Variants in SMYD3 observed in about 807,000 individuals in gnomAD.
The protein encoded by SMYD3 is histone-lysine N-methyltransferase SMYD3.
SMYD3 carries 36 observed loss-of-function variants against 57.7 expected under a neutral mutation model. The observed-to-expected ratio is 0.62, with a 90% confidence interval of 0.48 to 0.82. SMYD3 has a LOEUF of 0.82. SMYD3 is among the 40% of genes least tolerant of loss of function. The pLI is 0.00. For missense variants in SMYD3, 515 were observed against 538.8 expected, an observed-to-expected ratio of 0.96 and a Z score of 0.44; for synonymous variants, 211 against 195.0, an observed-to-expected ratio of 1.08 and a Z score of -0.68.
chr1:246,136,454 T>C (rs549414072), intron 5 of SMYD3, among the ~76,000 whole-genome samples: 1 of 152,292 alleles, frequency 6.6e-6, no homozygotes, highest in African/African-American at 2.4e-5. Context: ...TTTTGTTATG[T>C]ACTGGGCACT....
At chr1:246,050,472 C>A (rs765383716) in intron 5 of SMYD3, among the ~76,000 whole-genome samples, 2 of 152,162 alleles carry the variant, frequency 1.3e-5, no homozygotes, top group Non-Finnish European at 2.9e-5. Context: ...CCTAGAGGAA[C>A]AATCTCTATC....
At chr1:245,872,555 A>G (rs1407757325) in intron 8 of SMYD3, among the ~76,000 whole-genome samples, 1 of 152,262 alleles carries the variant, frequency 6.6e-6, no homozygotes, top group Non-Finnish European at 1.5e-5. Flanking sequence ...ACTGAGGAGC[A>G]CTTGGGCAAC....
intron 5 of SMYD3, chr1:245,930,515 A>G (rs534069510): frequency 7.9e-6 from 2 of 254,564 alleles, no homozygotes; most frequent in East Asian, 1.0e-4. Context: ...GGTACATGAC[A>G]CAGTCCTGTC....
chr1:245,945,024 T>C (rs1315263615), intron 5 of SMYD3, among the ~76,000 whole-genome samples: 2 of 151,678 alleles, frequency 1.3e-5, no homozygotes, highest in Admixed American at 6.6e-5. Flanking sequence ...AACATAAAAC[T>C]ATAAAAAACT....
intron 5 of SMYD3, among the ~76,000 whole-genome samples, chr1:246,017,241 C>G (rs560052807): frequency 6.6e-6 from 1 of 152,072 alleles, no homozygotes; most frequent in African/African-American, 2.4e-5. Flanking sequence ...TTTTTCTTAG[C>G]TATTTGAAAG....
chr1:245,993,072 TG>T (rs1350756457), intron 5 of SMYD3, among the ~76,000 whole-genome samples: 2 of 152,228 alleles, frequency 1.3e-5, no homozygotes, highest in African/African-American at 4.8e-5. Flanking sequence ...AATAAAACTT[TG>T]GGAGGTAGAA....
chr1:246,364,239 ACCTG>A (rs1179755067), intron 1 of SMYD3, among the ~76,000 whole-genome samples: 1 of 144,976 alleles, frequency 6.9e-6, no homozygotes, highest in Non-Finnish European at 1.5e-5. Flanking sequence ...AAAAAAAAAA[ACCTG>A]AATTGTAAAA....
intron 5 of SMYD3, among the ~76,000 whole-genome samples, chr1:245,988,107 AACACACACACACACAC>A (rs35432668): frequency 2.2e-3 from 328 of 148,796 alleles, no homozygotes; most frequent in Middle Eastern, 6.9e-3. Flanking sequence ...AACCAAACCA[AACACACACACACACAC>A]ACACACACAC....
chr1:245,751,382 C>T (rs1332655928), intron 11 of SMYD3, among the ~76,000 whole-genome samples: 1 of 152,162 alleles, frequency 6.6e-6, no homozygotes, highest in Non-Finnish European at 1.5e-5. Flanking sequence ...TGGAAAAACG[C>T]TGAAGCTTCG....
chr1:246,018,966 G>A (rs2059424201), intron 5 of SMYD3, among the ~76,000 whole-genome samples: 1 of 152,094 alleles, frequency 6.6e-6, no homozygotes, highest in South Asian at 2.1e-4. Flanking sequence ...TGGCTTAAAT[G>A]TTGCAGATAA....
At chr1:246,171,590 T>C (rs1274368752) in intron 5 of SMYD3, among the ~76,000 whole-genome samples, 1 of 152,212 alleles carries the variant, frequency 6.6e-6, no homozygotes. Flanking sequence ...CTACATGATA[T>C]TGCCTATTGC....
intron 5 of SMYD3, among the ~76,000 whole-genome samples, chr1:246,245,041 T>G (rs996000104): frequency 1.3e-5 from 2 of 151,976 alleles, no homozygotes; most frequent in African/African-American, 4.8e-5. Context: ...TGTTTTAGAT[T>G]TTCATAAATT....
At chr1:246,143,606 T>C (rs2061797797) in intron 5 of SMYD3, among the ~76,000 whole-genome samples, 1 of 152,214 alleles carries the variant, frequency 6.6e-6, no homozygotes, top group African/African-American at 2.4e-5. Context: ...AGGTCAAGGC[T>C]GCAGTGATCC....
intron 1 of SMYD3, among the ~76,000 whole-genome samples, chr1:246,397,249 T>G (rs182956401): frequency 2.9e-4 from 44 of 152,262 alleles, no homozygotes; most frequent in African/African-American, 1.0e-3. Flanking sequence ...GTGCGAGGGA[T>G]CTAGGCTGCA....
intron 5 of SMYD3, chr1:245,956,188 GATTAT>G: frequency 5.1e-6 from 2 of 392,084 alleles, no homozygotes; most frequent in Non-Finnish European, 6.9e-6. Context: ...AAAGTGTTGG[GATTAT>G]AGGCGTGAGC....
At chr1:245,751,448 T>C (rs186485842) in intron 11 of SMYD3, among the ~76,000 whole-genome samples, 38 of 152,208 alleles carry the variant, frequency 2.5e-4, no homozygotes, top group African/African-American at 8.9e-4. Flanking sequence ...CTGGCTTCTT[T>C]TTTCACCTCT....
At chr1:246,011,881 A>G (rs984754904) in intron 5 of SMYD3, among the ~76,000 whole-genome samples, 1 of 152,146 alleles carries the variant, frequency 6.6e-6, no homozygotes, top group Non-Finnish European at 1.5e-5. Flanking sequence ...CTGCAGAAGA[A>G]CTAAGTTTTT....
At chr1:245,779,416 G>A (rs986364018) in intron 10 of SMYD3, among the ~76,000 whole-genome samples, 2 of 152,082 alleles carry the variant, frequency 1.3e-5, no homozygotes, top group African/African-American at 4.8e-5. Flanking sequence ...CCAGGAAAAT[G>A]TTTTCCAATG....
At chr1:245,960,566 A>C (rs771272684) in intron 5 of SMYD3, among the ~76,000 whole-genome samples, 2 of 152,068 alleles carry the variant, frequency 1.3e-5, no homozygotes, top group African/African-American at 2.4e-5. Context: ...CTACGAAAAA[A>C]AGACACAAAA....
Sources: allele counts gnomAD v4.1 joint callset (sites outside exome capture counted in the v4.1 genomes callset), GRCh38; gene constraint gnomAD v4.1.1; transcripts MANE v1.5; gene names NCBI Gene and HGNC (gene_info 2026-07-23, HGNC 2026-07-21).